The following PAFAH2 variants were observed in gnomAD, a reference collection of about 807,000 sequenced individuals.
PAFAH2 encodes platelet activating factor acetylhydrolase 2.
A neutral mutation model predicts 49.0 loss-of-function variants in PAFAH2; 42 were observed. The observed-to-expected ratio is 0.86, with a 90% CI of 0.67 to 1.11. PAFAH2 has a LOEUF of 1.11. Among genes scored for constraint, PAFAH2 ranks in the 50% least tolerant of loss-of-function variants. The pLI is 0.00. For missense variants in PAFAH2, 503 were observed against 501.8 expected, an observed-to-expected ratio of 1.00 and a Z score of -0.02; for synonymous variants, 184 against 181.3, an observed-to-expected ratio of 1.01 and a Z score of -0.12.
intron 2 of PAFAH2, 65 bp from the exon 3 acceptor site, chr1:25,989,666 A>G: frequency 1.5e-6 from 2 of 1,319,386 alleles, no homozygotes. Context: ...CAACAGCCAC[A>G]CTCAGCAGGT....
intron 7 of PAFAH2, among the ~76,000 whole-genome samples, chr1:25,978,969 G>A (rs759906537): frequency 2.6e-5 from 4 of 152,200 alleles, no homozygotes; most frequent in African/African-American, 9.6e-5. Flanking sequence ...AACAAACAAC[G>A]CTGGAATGAA....
chr1:25,974,407 C>T, intron 9 of PAFAH2, 73 bp downstream of exon 9: 1 of 1,319,368 alleles, frequency 7.6e-7, no homozygotes, highest in Non-Finnish European at 1.0e-6. Flanking sequence ...TTTGGGTAAT[C>T]CAGAAGTTAA....
In PAFAH2 at chr1:25,962,018, CT is replaced by C; in HGVS notation, c.1149del (p.Ala385ProfsTer32). 1.9e-6 allele frequency: 3 copies of C among 1,613,910 alleles called. No individual in the cohort carries two copies. In the South Asian group the frequency reaches 3.3e-5, roughly 18 times the overall value. On this transcript the variant is annotated frameshift_variant, in exon 11 of 11. Transcript: ENST00000374282. LOFTEE classifies it high-confidence loss of function. ...LIEGIGPSLT[P>X]GAPHHLSSL ...AGGCTGGACAGATGGTGGGGGGCCC[CT>C]GGGGTGAGCGACGGTCCAATGCCTT...
At chr1:25,962,248 T>C (rs1471560016) in intron 10 of PAFAH2, among the ~76,000 whole-genome samples, 165 bp from the exon 11 acceptor site, 1 of 152,216 alleles carries the variant, frequency 6.6e-6, no homozygotes, top group Admixed American at 6.5e-5. Flanking sequence ...ATAACTATCA[T>C]TTATTCAGTG....
At chr1:25,968,124 C>A (rs1216128178) in intron 10 of PAFAH2, among the ~76,000 whole-genome samples, 1 of 152,058 alleles carries the variant, frequency 6.6e-6, no homozygotes, top group East Asian at 1.9e-4. Flanking sequence ...GAGATGGCAG[C>A]TACTGCCTTC....
chr1:25,990,055 G>A (rs2049850606), intron 2 of PAFAH2, among the ~76,000 whole-genome samples: 1 of 152,072 alleles, frequency 6.6e-6, no homozygotes, highest in Non-Finnish European at 1.5e-5. Context: ...GGGGTTACTA[G>A]GAAGTGTGTG....
rs551906689 is a variant in PAFAH2, at chr1:25,963,008, G to C, written c.1085-925C>G. Among the ~76,000 whole-genome samples the C allele has an allele frequency of 6.6e-5, 10 of 152,204 alleles. No individual in the cohort carries two copies. The South Asian group carries it at 2.1e-3, about 32-fold the overall frequency. Reference sequence around the variant, plus strand: ...AACTCCAGGAATGACTCAAGAAGGGGCCCTGAGCTCACAGCCAATAGGGGT... The same window carrying C: ...AACTCCAGGAATGACTCAAGAAGGGCCCCTGAGCTCACAGCCAATAGGGGT... On this transcript the variant is annotated intron_variant, in intron 10 of 10. Transcript: ENST00000374282.
intron 10 of PAFAH2, among the ~76,000 whole-genome samples, chr1:25,965,627 C>CT (rs2124315509): frequency 6.6e-6 from 1 of 152,084 alleles, no homozygotes; most frequent in South Asian, 2.1e-4. Flanking sequence ...ACCAGTCTGG[C>CT]TAACATGGTG....
At chr1:25,976,905 C>A in intron 7 of PAFAH2, 132 bp from the exon 8 acceptor site, 1 of 644,638 alleles carries the variant, frequency 1.6e-6, no homozygotes, top group Non-Finnish European at 2.8e-6. Flanking sequence ...TCCACCAACA[C>A]CACACTGTCA....
Position 25,990,879 on chromosome 1 carries a change from C to A in PAFAH2, c.-47-16G>T. On this transcript the variant is annotated splice_polypyrimidine_tract_variant and intron_variant, in intron 1 of 10. Coordinates refer to ENST00000374282, the MANE Select transcript of PAFAH2 (RefSeq NM_000437.4). ...AACTTGCTGGCTGGATGGGGGAACA[C>A]AGAACAGCAGCCGCTTGCTGGTTTC... 2 of 1,332,942 alleles carry A rather than the reference C, an allele frequency of 1.5e-6. No individual in the cohort carries two copies. The highest frequency in any genetic ancestry group is 1.1e-6 in the Non-Finnish European group (1 of 928,680). The allele number at this position is 1,332,942 out of a possible 1,614,324, so 82.6% of individuals were successfully genotyped here. A position where few individuals can be genotyped will look rare whatever the true frequency, so the allele number is the denominator to read the frequency against.
Position 25,984,072 on chromosome 1 carries a change from T to G in PAFAH2, c.426A>C (p.Ala142=). ...AVPEHRDRSA[A]TTYFCKQAPE... is the part of the protein sequence containing the mutation. ...GGGCCTGCTTGCAGAAATAGGTGGT[T>G]GCCGCTGACCGGTCCCTGAAATACA... The change falls in exon 6 of 11, where the codon GCA becomes GCC. Residue 142 remains alanine (A), a synonymous_variant. Transcript: ENST00000374282. 6.2e-7 allele frequency: 1 copy of G among 1,614,034 alleles called. No homozygotes were observed. Among genetic ancestry groups the G allele is most frequent in the African/African-American group, 1.3e-5 (1 of 75,010 alleles).
At position 25,989,473 on chromosome 1, in the gene PAFAH2, C is replaced by T. The variant is rs775423316; in HGVS notation, c.219G>A (p.Gly73=). Residue 73 remains glycine, a synonymous_variant, in exon 3 of 11, where the codon GGG becomes GGA. Transcript: ENST00000374282. The stretch of plus-strand genomic sequence containing the variant: ...CCACCGCCAGGTTGAACAGCAAGCC[C>T]CCGCAGCGCTTATTAAACTGCAGGT... ...AEYLQFNKRC[G]GLLFNLAVGS... 11 of 1,605,502 alleles carry T rather than the reference C, an allele frequency of 6.9e-6. No homozygotes were observed. In the East Asian group the frequency reaches 2.5e-4, roughly 36 times the overall value.
rs754262825 is a variant in PAFAH2, at chr1:25,990,715, G to A, written c.90+12C>T. ...CAGTGCAAACAGAAGAAAGGGAGCT[G>A]GGGACACTTACCTGGAGATTCTGAC... On this transcript the variant is annotated intron_variant, in intron 2 of 10. Coordinates refer to ENST00000374282, the MANE Select transcript of PAFAH2 (RefSeq NM_000437.4). 6.2e-7 allele frequency: 1 copy of A among 1,607,456 alleles called. No individual in the cohort carries two copies. The highest frequency in any genetic ancestry group is 2.2e-5 in the East Asian group (1 of 44,830).
chr1:25,972,000 A>G (rs2049515944), intron 10 of PAFAH2, among the ~76,000 whole-genome samples: 1 of 152,214 alleles, frequency 6.6e-6, no homozygotes, highest in African/African-American at 2.4e-5. Context: ...GGAGGAAACC[A>G]AGGTTCAGAG....
At chr1:25,995,211 A>G (rs770405181) in intron 1 of PAFAH2, among the ~76,000 whole-genome samples, 1 of 152,142 alleles carries the variant, frequency 6.6e-6, no homozygotes, top group Non-Finnish European at 1.5e-5. Context: ...GGTCCTTCCA[A>G]CCTTTCCTCC....
intron 9 of PAFAH2, among the ~76,000 whole-genome samples, chr1:25,973,800 A>G (rs559248257): frequency 6.6e-6 from 1 of 152,288 alleles, no homozygotes; most frequent in Admixed American, 6.5e-5. Flanking sequence ...AACCAGATGG[A>G]TCCCTGGATC....
intron 10 of PAFAH2, among the ~76,000 whole-genome samples, chr1:25,969,375 C>A (rs138999248): frequency 6.6e-6 from 1 of 152,332 alleles, no homozygotes; most frequent in African/African-American, 2.4e-5. Context: ...AGTCTAAAGA[C>A]TGAGTGCCTA....
chr1:25,983,909 C>A, intron 6 of PAFAH2, 37 bp downstream of exon 6: 1 of 1,607,480 alleles, frequency 6.2e-7, no homozygotes, highest in Non-Finnish European at 8.5e-7. Flanking sequence ...AGAGAACAGG[C>A]TCATTAACTC....
chr1:25,997,969 CAA>C (rs949290638), intron 1 of PAFAH2, 54 bp downstream of exon 1: 3 of 152,342 alleles, frequency 2.0e-5, no homozygotes, highest in African/African-American at 7.2e-5. Flanking sequence ...GGCCAGAATA[CAA>C]AAGTCTGCAG....
Sources: gnomAD v4.1 joint callset for allele counts (sites outside exome capture counted in the v4.1 genomes callset) on GRCh38, gnomAD v4.1.1 for gene constraint, MANE v1.5 for transcripts, NCBI Gene and HGNC (gene_info 2026-07-23, HGNC 2026-07-21) for gene names.